Variants in ABCC12 observed in about 807,000 individuals in gnomAD.
The protein encoded by ABCC12 is ATP-binding cassette sub-family C member 12.
ABCC12 carries 142 observed loss-of-function variants against 151.1 expected under a neutral mutation model. The observed-to-expected ratio is 0.94, with a 90% CI of 0.82 to 1.08. The LOEUF (loss-of-function observed/expected upper bound fraction) is 1.08. Ranked by LOEUF, ABCC12 falls within the 50% of genes least tolerant of loss-of-function variation. ABCC12 has a pLI of 0.00. For synonymous variants in ABCC12, 645 were observed against 646.4 expected (o/e 1.00, Z 0.03); for missense variants, 1,638 against 1,691.1 (o/e 0.97, Z 0.55).
At chr16:48,150,606 T>C (rs977209842) in intron 2 of ABCC12, among the ~76,000 whole-genome samples, 1 of 152,172 alleles carries the variant, frequency 6.6e-6, no homozygotes, top group African/African-American at 2.4e-5. Context: ...TAATAATGAC[T>C]ATATTTGTAG....
At chr16:48,141,742 T>C (rs1312384579) in intron 4 of ABCC12, among the ~76,000 whole-genome samples, 1 of 152,150 alleles carries the variant, frequency 6.6e-6, no homozygotes, top group Non-Finnish European at 1.5e-5. Flanking sequence ...AGGAGTGTGG[T>C]GCACAAAGAG....
rs1339784831 is a variant in ABCC12 at position 48,137,903 on chromosome 16, TAAGTA to T, written c.979+320_979+324del. 5.3e-5 allele frequency among the ~76,000 whole-genome samples: 8 copies of T among 151,782 alleles called. No homozygotes were observed. In the East Asian group the frequency reaches 1.2e-3, roughly 22 times the overall value. On this transcript the variant is annotated intron_variant, in intron 8 of 30. Transcript: ENST00000311303. The stretch of plus-strand genomic sequence containing the variant: ...ATGTGTGTGTAGATGTCTTCTAAGT[TAAGTA>T]AATAGCTGGAGACAGCTTTTTTCCT...
intron 9 of ABCC12, among the ~76,000 whole-genome samples, chr16:48,132,850 T>C (rs777626742): frequency 4.6e-5 from 7 of 152,168 alleles, no homozygotes; most frequent in Non-Finnish European, 8.8e-5. Flanking sequence ...ACAGTGCTGA[T>C]TGTGGCTATT....
At chr16:48,137,748 C>T (rs1239841000) in intron 8 of ABCC12, among the ~76,000 whole-genome samples, 1 of 152,216 alleles carries the variant, frequency 6.6e-6, no homozygotes, top group Admixed American at 6.5e-5. Flanking sequence ...TCTATATCAG[C>T]TTTAAAAAAA....
chr16:48,148,041 G>A (rs562743504), intron 2 of ABCC12, among the ~76,000 whole-genome samples: 82 of 152,252 alleles, frequency 5.4e-4, no homozygotes, highest in South Asian at 1.9e-3. Context: ...TCTGCCTCCC[G>A]GGTTCAAGCA....
intron 11 of ABCC12, among the ~76,000 whole-genome samples, chr16:48,126,533 A>T (rs529967289): frequency 6.6e-6 from 1 of 152,376 alleles, no homozygotes; most frequent in South Asian, 2.1e-4. Flanking sequence ...CATAATTGTT[A>T]AAGAAAAAGG....
chr16:48,086,756 TG>T lies in ABCC12; in HGVS notation c.3698del (p.Thr1233AsnfsTer3). On this transcript the variant is annotated frameshift_variant, in exon 28 of 31. Transcript: ENST00000311303. LOFTEE classifies it high-confidence loss of function. The stretch of plus-strand genomic sequence containing the variant: ...AGAGACCTACTGTGTCTCTCATGAA[TG>T]TTCTCTCCAGAACCTGCCAGAGCAT... ...DEMLWQVLER[T>X]FMRDTIMKLP... is the part of the protein sequence containing the mutation. 6.2e-7 allele frequency: 1 copy of T among 1,613,630 alleles called. No individual in the cohort carries two copies. Among genetic ancestry groups the T allele is most frequent in the Non-Finnish European group, 8.5e-7 (1 of 1,179,630 alleles).
Position 48,095,485 on chromosome 16 carries a change from TA to T in ABCC12, c.3195+1260del, listed in dbSNP as rs147730719. On this transcript the variant is annotated intron_variant, in intron 24 of 30. Coordinates refer to ENST00000311303, the MANE Select transcript of ABCC12 (RefSeq NM_001393797.1). ...GATTCAAAAATATGCTGCATCCATGTAAAAAATGATTCTTTTAAAAACTCAG... is the reference window on the plus strand; with the variant it reads ...GATTCAAAAATATGCTGCATCCATGTAAAAATGATTCTTTTAAAAACTCAG... Among the ~76,000 whole-genome samples, 3,946 of 152,214 alleles carry T rather than the reference TA, an allele frequency of 0.026. 280 individuals carry two copies. In the East Asian group the frequency reaches 0.29, roughly 11 times the overall value.
At position 48,085,580 on chromosome 16, in the gene ABCC12, C is replaced by G; in HGVS notation, c.3828+13G>C. On this transcript the variant is annotated intron_variant, in intron 29 of 30. Coordinates refer to ENST00000311303, the MANE Select transcript of ABCC12 (RefSeq NM_001393797.1). ...TCCAAAATTTGACCAATCCATTTTCCGTGTTTTCTTACCTTTGAATTACGG... is the reference window on the plus strand; with the variant it reads ...TCCAAAATTTGACCAATCCATTTTCGGTGTTTTCTTACCTTTGAATTACGG... The G allele has an allele frequency of 6.2e-7, 1 of 1,611,462 alleles. No homozygotes were observed. Among genetic ancestry groups the G allele is most frequent in the Non-Finnish European group, 8.5e-7 (1 of 1,177,646 alleles).
intron 26 of ABCC12, 63 bp from the exon 27 acceptor site, chr16:48,088,148 G>T: frequency 1.3e-6 from 2 of 1,549,330 alleles, no homozygotes; most frequent in Non-Finnish European, 1.8e-6. Context: ...TCATATCCAA[G>T]CATTTAATCA....
intron 18 of ABCC12, among the ~76,000 whole-genome samples, chr16:48,110,354 C>G (rs567956839): frequency 6.6e-6 from 1 of 151,986 alleles, no homozygotes; most frequent in African/African-American, 2.4e-5. Context: ...ATGGTGGTAG[C>G]CTTTAAAAAT....
intron 2 of ABCC12, among the ~76,000 whole-genome samples, chr16:48,148,451 G>A (rs545923826): frequency 3.6e-4 from 55 of 151,794 alleles, no homozygotes; most frequent in Middle Eastern, 6.8e-3. Context: ...TGCCCAGGCT[G>A]GTCTCAAACT....
chr16:48,096,226 T>G (rs1963089846), intron 24 of ABCC12, among the ~76,000 whole-genome samples: 1 of 152,224 alleles, frequency 6.6e-6, no homozygotes. Flanking sequence ...CTCCCCAGCA[T>G]TCATTTCACT....
intron 8 of ABCC12, among the ~76,000 whole-genome samples, chr16:48,137,574 G>T (rs1325729379): frequency 6.6e-6 from 1 of 152,154 alleles, no homozygotes; most frequent in Non-Finnish European, 1.5e-5. Context: ...CAGATACACA[G>T]CTTTGGCCCA....
intron 27 of ABCC12, chr16:48,087,101 A>G (rs1962646935): frequency 2.8e-6 from 1 of 358,628 alleles, no homozygotes; most frequent in Non-Finnish European, 5.2e-6. Flanking sequence ...GCTCAGAAAG[A>G]CACACCTGGG....
chr16:48,102,590 C>T (rs961298175), intron 22 of ABCC12, among the ~76,000 whole-genome samples: 2 of 152,086 alleles, frequency 1.3e-5, no homozygotes, highest in East Asian at 3.9e-4. Flanking sequence ...CAGCAAGAGT[C>T]CAGCTCTCCC....
chr16:48,105,396 A>G, intron 20 of ABCC12, 60 bp from the exon 21 acceptor site: 1 of 1,497,456 alleles, frequency 6.7e-7, no homozygotes. Flanking sequence ...GAGAACAGGA[A>G]TTTTCCGGAG....
intron 15 of ABCC12, 22 bp downstream of exon 15, chr16:48,115,393 T>C (rs1963841448): frequency 6.2e-7 from 1 of 1,611,854 alleles, no homozygotes; most frequent in Non-Finnish European, 8.5e-7. Context: ...CGTGACCTCC[T>C]GGATCCTGCA....
At chr16:48,095,247 G>A (rs1376426924) in intron 24 of ABCC12, among the ~76,000 whole-genome samples, 1 of 152,160 alleles carries the variant, frequency 6.6e-6, no homozygotes, top group African/African-American at 2.4e-5. Flanking sequence ...GATTTTATGA[G>A]GGGTTTCCCC....
Sources: gnomAD v4.1 joint callset for allele counts (sites outside exome capture counted in the v4.1 genomes callset) on GRCh38, gnomAD v4.1.1 for gene constraint, MANE v1.5 for transcripts, NCBI Gene and HGNC (gene_info 2026-07-23, HGNC 2026-07-21) for gene names.